Variants in UBXN4 observed in about 807,000 individuals in gnomAD.
UBXN4 encodes the protein UBX domain-containing protein 4.
In UBXN4, 35 loss-of-function variants were observed where a neutral mutation model predicts 66.2. The ratio of observed to expected loss-of-function variants is 0.53; its 90% CI spans 0.40 to 0.70. The LOEUF is 0.70. Ranked by LOEUF, UBXN4 falls within the 30% of genes least tolerant of loss-of-function variation. UBXN4 has a pLI of 0.00. For synonymous variants in UBXN4, 203 were observed against 204.5 expected (o/e 0.99, Z 0.06); for missense variants, 533 against 599.8 (o/e 0.89, Z 1.16).
chr2:135,755,211 T>TAATCATTTCTGTCTACTTTGGACA (rs578191606), intron 4 of UBXN4, among the ~76,000 whole-genome samples: 219 of 152,352 alleles, frequency 1.4e-3, no homozygotes, highest in African/African-American at 5.1e-3. Context: ...ACTCAATAAT[T>TAATCATTTCTGTCTACTTTGGACA]AATCATTTCT....
At chr2:135,776,571 G>A (rs1288896533) in intron 10 of UBXN4, among the ~76,000 whole-genome samples, 2 of 152,094 alleles carry the variant, frequency 1.3e-5, no homozygotes, top group Admixed American at 1.3e-4. Context: ...TGCTGATATT[G>A]TATAATAGGT....
chr2:135,782,517 A>G (rs531606390), intron 12 of UBXN4, among the ~76,000 whole-genome samples: 3 of 152,346 alleles, frequency 2.0e-5, no homozygotes, highest in African/African-American at 7.2e-5. Flanking sequence ...AATGGAATAT[A>G]TGATTTGGCT....
At chr2:135,746,260 A>G (rs980211238) in intron 1 of UBXN4, among the ~76,000 whole-genome samples, 13 of 152,166 alleles carry the variant, frequency 8.5e-5, no homozygotes, top group African/African-American at 3.1e-4. Flanking sequence ...AGAGTCAATT[A>G]TTATAGGCAT....
intron 2 of UBXN4, among the ~76,000 whole-genome samples, chr2:135,750,489 G>C (rs766771166): frequency 3.3e-5 from 5 of 151,900 alleles, no homozygotes; most frequent in Non-Finnish European, 5.9e-5. Context: ...CTGGGCAACA[G>C]AGCAAGACTC....
At position 135,741,957 on chromosome 2, in the gene UBXN4, GC is replaced by G. The variant is rs746889283; in HGVS notation, c.30del (p.Ala11ProfsTer64). ...GCTGTGGTTCCAGGGCGCCATTCCG[GC>G]CGCCATCGCGACGGCCAAAAGGAGC... The part of the protein sequence containing the change: MLWFQGAIP[A>X]AIATAKRSGA... On this transcript the variant is annotated frameshift_variant, in exon 1 of 13. Coordinates refer to ENST00000272638, the MANE Select transcript of UBXN4 (RefSeq NM_014607.4). LOFTEE classifies it high-confidence loss of function. 1 of 1,613,100 alleles carries G rather than the reference GC, an allele frequency of 6.2e-7. No homozygotes were observed. Among genetic ancestry groups the G allele is most frequent in the Non-Finnish European group, 8.5e-7 (1 of 1,179,644 alleles).
intron 9 of UBXN4, 122 bp from the exon 10 acceptor site, chr2:135,776,127 T>C (rs576505593): frequency 1.4e-6 from 1 of 727,716 alleles, no homozygotes; most frequent in African/African-American, 1.8e-5. Flanking sequence ...AACAAAAAGA[T>C]CTGATATGGT....
At chr2:135,746,659 C>T (rs543290348) in intron 1 of UBXN4, among the ~76,000 whole-genome samples, 11 of 152,170 alleles carry the variant, frequency 7.2e-5, no homozygotes, top group African/African-American at 2.4e-4. Context: ...GAAGAACATT[C>T]CAGGCAGAGG....
chr2:135,744,151 T>G (rs2077193519), intron 1 of UBXN4, among the ~76,000 whole-genome samples: 1 of 152,220 alleles, frequency 6.6e-6, no homozygotes, highest in Admixed American at 6.5e-5. Context: ...AACTCTGAAG[T>G]CAGAACTTGT....
At chr2:135,755,018 A>G (rs1410695756) in intron 4 of UBXN4, among the ~76,000 whole-genome samples, 3 of 152,174 alleles carry the variant, frequency 2.0e-5, no homozygotes, top group Non-Finnish European at 4.4e-5. Context: ...TCCTGACCTC[A>G]AGTGATCTGC....
In UBXN4 at chr2:135,780,389, T is replaced by G; in HGVS notation, c.1388+4T>G. ...CATCTAGCAAATCAGAAAAAAGGTA[T>G]CTGTGTGTGTTTTCCCCATTTATAA... On this transcript the variant is annotated splice_donor_region_variant and intron_variant, in intron 12 of 12. Coordinates refer to ENST00000272638, the MANE Select transcript of UBXN4 (RefSeq NM_014607.4). 2 of 1,612,862 alleles carry G rather than the reference T, an allele frequency of 1.2e-6. No homozygotes were observed. The highest frequency in any genetic ancestry group is 1.7e-6 in the Non-Finnish European group (2 of 1,178,836).
At chr2:135,772,327 TAA>T (rs200613240) in intron 8 of UBXN4, 91 bp from the exon 9 acceptor site, 74 of 1,118,520 alleles carry the variant, frequency 6.6e-5, no homozygotes, top group East Asian at 8.9e-5. Flanking sequence ...TGTCTCTTAA[TAA>T]AAAAAAAAAA....
At chr2:135,772,042 AGGCACAGT>A (rs573469648) in intron 8 of UBXN4, among the ~76,000 whole-genome samples, 239 of 152,314 alleles carry the variant, frequency 1.6e-3, no homozygotes, top group Middle Eastern at 6.8e-3. Context: ...CAGGCAGCAA[AGGCACAGT>A]GGCTCACAAC....
At chr2:135,768,284 C>T (rs987064747) in intron 6 of UBXN4, among the ~76,000 whole-genome samples, 2 of 151,944 alleles carry the variant, frequency 1.3e-5, no homozygotes, top group African/African-American at 4.8e-5. Context: ...CTGCAACCTC[C>T]GCCCCCCAGG....
chr2:135,747,402 G>T (rs1183366229), intron 1 of UBXN4, among the ~76,000 whole-genome samples: 1 of 150,188 alleles, frequency 6.7e-6, no homozygotes, highest in South Asian at 2.1e-4. Flanking sequence ...ATTCCAGAAG[G>T]CTCCTTCATG....
In UBXN4 at chr2:135,744,368, C is replaced by T. The variant is rs139512415; in HGVS notation, c.82+2357C>T. Among the ~76,000 whole-genome samples, 9 of 151,036 alleles carry T rather than the reference C, an allele frequency of 6.0e-5. No homozygotes were observed. The East Asian group carries it at 9.7e-4, about 16-fold the overall frequency. ...ATATTGTAGAGTTGATGTTAGGAGA[C>T]GAGAGATTACTACTACTTCAGCTAA... On this transcript the variant is annotated intron_variant, in intron 1 of 12. Coordinates refer to ENST00000272638, the MANE Select transcript of UBXN4 (RefSeq NM_014607.4).
chr2:135,781,183 C>A (rs1277726195), intron 12 of UBXN4, among the ~76,000 whole-genome samples: 2 of 152,238 alleles, frequency 1.3e-5, no homozygotes, highest in Non-Finnish European at 2.9e-5. Flanking sequence ...TGTGCCATTG[C>A]ACTCCAGCCT....
chr2:135,748,806 G>C (rs1024589618), intron 2 of UBXN4, among the ~76,000 whole-genome samples: 1 of 151,876 alleles, frequency 6.6e-6, no homozygotes, highest in African/African-American at 2.4e-5. Context: ...AAGACAGGCG[G>C]ATCACTTGAG....
At chr2:135,782,411 A>G (rs1402064813) in intron 12 of UBXN4, among the ~76,000 whole-genome samples, 2 of 152,252 alleles carry the variant, frequency 1.3e-5, no homozygotes, top group African/African-American at 4.8e-5. Context: ...ATGTTTTAGT[A>G]GATAATGTCG....
intron 8 of UBXN4, among the ~76,000 whole-genome samples, chr2:135,772,141 G>A (rs761418057): frequency 3.3e-5 from 5 of 151,872 alleles, no homozygotes; most frequent in Non-Finnish European, 7.4e-5. Flanking sequence ...GCAACAAAGT[G>A]AGACCCCACC....
Sources: gnomAD v4.1 joint callset for allele counts (sites outside exome capture counted in the v4.1 genomes callset) on GRCh38, gnomAD v4.1.1 for gene constraint, MANE v1.5 for transcripts, NCBI Gene and HGNC (gene_info 2026-07-23, HGNC 2026-07-21) for gene names.